Variants in SRRM4 observed in about 807,000 individuals in gnomAD.
SRRM4 encodes the protein serine/arginine repetitive matrix 4, also known as serine/arginine repetitive matrix protein 4.
Under a neutral mutation model 68.9 loss-of-function variants are expected in SRRM4, and 33 were observed. The observed-to-expected ratio is 0.48, with a 90% CI of 0.36 to 0.64. The LOEUF (loss-of-function observed/expected upper bound fraction) is 0.64, where lower values mean the gene tolerates loss of function less well. SRRM4 is among the 30% of genes least tolerant of loss of function. SRRM4 has a pLI of 0.00. For synonymous variants in SRRM4, 318 were observed against 318.8 expected, an observed-to-expected ratio of 1.00 and a Z score of 0.03; for missense variants, 817 against 827.1, an observed-to-expected ratio of 0.99 and a Z score of 0.15.
intron 1 of SRRM4, among the ~76,000 whole-genome samples, chr12:119,019,135 C>A (rs1691107417): frequency 6.6e-6 from 1 of 152,172 alleles, no homozygotes; most frequent in Non-Finnish European, 1.5e-5. Context: ...TGCCACCTTC[C>A]CTGCAGAGAG....
intron 1 of SRRM4, among the ~76,000 whole-genome samples, chr12:119,065,354 T>C (rs746124292): frequency 1.3e-5 from 2 of 152,228 alleles, no homozygotes; most frequent in Admixed American, 6.5e-5. Context: ...ATCAGCCAAT[T>C]TGAATACCAG....
chr12:118,988,869 C>T (rs988269809), intron 1 of SRRM4, among the ~76,000 whole-genome samples: 4 of 152,130 alleles, frequency 2.6e-5, no homozygotes, highest in Non-Finnish European at 5.9e-5. Flanking sequence ...CTTTGTTGGA[C>T]AGCATGATCC....
chr12:118,998,736 T>C (rs993928621), intron 1 of SRRM4, among the ~76,000 whole-genome samples: 4 of 152,182 alleles, frequency 2.6e-5, no homozygotes, highest in African/African-American at 9.7e-5. Context: ...AACAATTAGG[T>C]TGATCAATAG....
Position 119,154,524 on chromosome 12 carries a change from C to T in SRRM4, c.1532+141C>T. On this transcript the variant is annotated intron_variant, in intron 12 of 12. Coordinates refer to ENST00000267260, the MANE Select transcript of SRRM4 (RefSeq NM_194286.4). This position sits in a 1 kb window ranked among gnomAD's most constrained non-coding sequence, Gnocchi z 4.7. ...GAGCTTATGGTCCCCCCAACCCCAA[C>T]ATCATTGAAATTACGTGTCTGTTCA... is the stretch of plus-strand genomic sequence containing the variant. The T allele has an allele frequency of 1.1e-6, 1 of 925,292 alleles. No individual in the cohort carries two copies. Among genetic ancestry groups the T allele is most frequent in the African/African-American group, 1.7e-5 (1 of 59,886 alleles). 57.3% of individuals were successfully genotyped at this position (925,292 alleles called of 1,614,324 possible).
chr12:119,001,615 C>G (rs2135993515), intron 1 of SRRM4: 1 of 152,252 alleles, frequency 6.6e-6, no homozygotes, highest in East Asian at 1.9e-4. Context: ...CATATATGAA[C>G]CCTGTCATGT....
chr12:119,044,334 G>C (rs1417641549), intron 1 of SRRM4, among the ~76,000 whole-genome samples: 5 of 152,200 alleles, frequency 3.3e-5, no homozygotes, highest in Non-Finnish European at 7.3e-5. Flanking sequence ...GCAGCTCCTG[G>C]TGGGTACCTT....
chr12:119,093,152 CACTT>C (rs143332817), intron 1 of SRRM4, among the ~76,000 whole-genome samples: 6,254 of 152,270 alleles, frequency 0.041, 203 homozygotes, highest in East Asian at 0.095. Context: ...TCCCCCCTAG[CACTT>C]ATTACCTTCT....
intron 1 of SRRM4, among the ~76,000 whole-genome samples, chr12:118,982,981 G>T (rs1052425526): frequency 6.6e-6 from 1 of 152,140 alleles, no homozygotes; most frequent in African/African-American, 2.4e-5. Flanking sequence ...CTCATCTTTT[G>T]CTGGTGTTGG....
chr12:119,023,157 C>T lies in SRRM4; in HGVS notation c.131+41144C>T, dbSNP rs115240009. Among the ~76,000 whole-genome samples, 557 of 152,258 alleles carry T rather than the reference C, an allele frequency of 3.7e-3. 11 individuals carry two copies. Among genetic ancestry groups the T allele is most frequent in the African/African-American group, 0.013 (520 of 41,554 alleles). On this transcript the variant is annotated intron_variant, in intron 1 of 12. Transcript: ENST00000267260. ...GAGGTACACTGTCTTTCCCCCAATC[C>T]AAATGCTTGAACAGGAGCAGGATAG...
chr12:118,991,654 C>G (rs901621258), intron 1 of SRRM4: 1 of 152,212 alleles, frequency 6.6e-6, no homozygotes, highest in African/African-American at 2.4e-5. Flanking sequence ...GAATCACTTT[C>G]ACACCTAATA....
At chr12:119,150,268 T>G (rs1660515350) in intron 9 of SRRM4, among the ~76,000 whole-genome samples, 1 of 152,088 alleles carries the variant, frequency 6.6e-6, no homozygotes, top group South Asian at 2.1e-4. Flanking sequence ...GGTCAGGAGT[T>G]TGAGACCAGT....
At chr12:119,041,414 A>G (rs1953668234) in intron 1 of SRRM4, among the ~76,000 whole-genome samples, 1 of 152,226 alleles carries the variant, frequency 6.6e-6, no homozygotes, top group Non-Finnish European at 1.5e-5. Context: ...GATCCAGTGA[A>G]ATGGTGAGTA....
intron 8 of SRRM4, among the ~76,000 whole-genome samples, chr12:119,142,549 G>T (rs1000920421): frequency 1.3e-5 from 2 of 152,190 alleles, no homozygotes; most frequent in East Asian, 3.9e-4. Context: ...AATGAAATTC[G>T]TAGTCAAGAC....
intron 1 of SRRM4, chr12:119,001,946 C>T (rs1459878248): frequency 6.6e-6 from 1 of 150,814 alleles, no homozygotes; most frequent in Non-Finnish European, 1.5e-5. Flanking sequence ...TCACACCACT[C>T]CACTCCAGCC....
intron 1 of SRRM4, among the ~76,000 whole-genome samples, chr12:118,994,826 C>T (rs566778162): frequency 2.0e-5 from 3 of 152,246 alleles, no homozygotes; most frequent in East Asian, 3.9e-4. Context: ...TTGGCCATTC[C>T]GGCTTATGTT....
chr12:119,074,258 G>T (rs1160420061), intron 1 of SRRM4, among the ~76,000 whole-genome samples: 1 of 152,042 alleles, frequency 6.6e-6, no homozygotes, highest in East Asian at 1.9e-4. Context: ...TCCCCATGCA[G>T]GCCCCTTTAC....
chr12:119,155,731 T>G (rs1334176732), intron 12 of SRRM4, among the ~76,000 whole-genome samples: 1 of 152,106 alleles, frequency 6.6e-6, no homozygotes, highest in Non-Finnish European at 1.5e-5. Context: ...AGCGAGACCC[T>G]GTCTGAAAAA....
chr12:119,073,312 C>CTTTTTTTTTTTTT (rs71451813), intron 1 of SRRM4, among the ~76,000 whole-genome samples: 1 of 103,120 alleles, frequency 9.7e-6, no homozygotes, highest in Non-Finnish European at 2.1e-5. Context: ...TCTCTCTCCT[C>CTTTTTTTTTTTTT]TTTTTTTTTT....
rs1393587105 is a variant in SRRM4, at chr12:119,162,858, A to G, written c.*6060A>G. 6.6e-6 allele frequency: 1 copy of G among 152,206 alleles called. No homozygotes were observed. The highest frequency in any genetic ancestry group is 1.5e-5 in the Non-Finnish European group (1 of 68,054). The allele number at this position is 152,206 out of a possible 1,614,324, so 9.4% of individuals were successfully genotyped here. A position where few individuals can be genotyped will look rare whatever the true frequency, so the allele number is the denominator to read the frequency against. On this transcript the variant is annotated 3_prime_UTR_variant, in exon 13 of 13. Transcript: ENST00000267260. ...CAGACAGCCTCTGCCTGGAGCATTC[A>G]CATCAGATGGAAAGAAGCTGCTGTG...
Sources: gnomAD v4.1 joint callset for allele counts (sites outside exome capture counted in the v4.1 genomes callset) on GRCh38, gnomAD v4.1.1 for gene constraint, Gnocchi (gnomAD v3.1) non-coding constraint, MANE v1.5 for transcripts, NCBI Gene and HGNC (gene_info 2026-07-23, HGNC 2026-07-21) for gene names.